PITPNM3: variants seen among roughly 807,000 people sequenced by gnomAD.
PITPNM3 encodes membrane-associated phosphatidylinositol transfer protein 3.
In PITPNM3, 26 loss-of-function variants were observed where a neutral mutation model predicts 102.0. That is an observed-to-expected ratio of 0.25 (90% CI 0.19 to 0.35). The LOEUF (loss-of-function observed/expected upper bound fraction) is 0.35, where lower values mean the gene tolerates loss of function less well. Ranked by LOEUF, PITPNM3 falls within the 10% of genes least tolerant of loss-of-function variation. The probability of loss-of-function intolerance (pLI) is 1.00; values close to 1 mark genes in which losing one functional copy is unlikely to be tolerated. For missense variants in PITPNM3, 1,083 were observed against 1,346.1 expected (o/e 0.80, Z 3.06); for synonymous variants, 578 against 558.6 (o/e 1.03, Z -0.49).
At chr17:6,463,169 AC>A (rs1904557198) in intron 17 of PITPNM3, among the ~76,000 whole-genome samples, 2 of 151,860 alleles carry the variant, frequency 1.3e-5, no homozygotes, top group Admixed American at 1.3e-4. Flanking sequence ...TCTCCCCAAA[AC>A]CGTCACTGTT....
At position 6,459,459 on chromosome 17, in the gene PITPNM3, T is replaced by G. The variant is rs1904349483; in HGVS notation, c.2491-1737A>C. Among the ~76,000 whole-genome samples, 1 of 151,844 alleles carries G rather than the reference T, an allele frequency of 6.6e-6. No individual in the cohort carries two copies. Among genetic ancestry groups the G allele is most frequent in the Non-Finnish European group, 1.5e-5 (1 of 67,974 alleles). ...GCCTCTTCTAACGCCTCATCTCCCG[T>G]CTCATGGCTCCACTGATCCGTCTCA... On this transcript the variant is annotated intron_variant, in intron 18 of 19. Coordinates refer to ENST00000262483, the MANE Select transcript of PITPNM3 (RefSeq NM_031220.4). This position sits in a 1 kb window ranked among gnomAD's most constrained non-coding sequence, Gnocchi z 5.0.
In PITPNM3 at chr17:6,464,607, C is replaced by T. The variant is rs749112401; in HGVS notation, c.2007+48G>A. The T allele has an allele frequency of 3.2e-6, 5 of 1,552,676 alleles. No individual in the cohort carries two copies. In the East Asian group the frequency reaches 9.0e-5, roughly 28 times the overall value. On this transcript the variant is annotated intron_variant, in intron 15 of 19. Transcript: ENST00000262483. The stretch of plus-strand genomic sequence containing the variant: ...ACACGCTATGTGGCTCCATGAGGCA[C>T]CTGGTGCAGGTGGAGTGGCTGAGGA...
At chr17:6,461,855 G>GCCTC (rs1904477099) in intron 17 of PITPNM3, among the ~76,000 whole-genome samples, 1 of 113,874 alleles carries the variant, frequency 8.8e-6, no homozygotes, top group African/African-American at 4.1e-5. Flanking sequence ...TGTTCCCTGT[G>GCCTC]CCTCCCTCCC....
At chr17:6,497,286 G>C (rs923978021) in intron 4 of PITPNM3, among the ~76,000 whole-genome samples, 1 of 152,156 alleles carries the variant, frequency 6.6e-6, no homozygotes, top group African/African-American at 2.4e-5. Context: ...TCGGTGGCTG[G>C]TCAGGGCATT....
At chr17:6,506,225 G>A (rs187655639) in intron 3 of PITPNM3, among the ~76,000 whole-genome samples, 1 of 151,972 alleles carries the variant, frequency 6.6e-6, no homozygotes, top group East Asian at 1.9e-4. Flanking sequence ...GGAAATGCCG[G>A]GTCCCTTGTT....
Position 6,455,421 on chromosome 17 carries a change from G to A in PITPNM3, c.2842C>T (p.Pro948Ser). The A allele has an allele frequency of 6.2e-7, 1 of 1,602,316 alleles. No homozygotes were observed. Among genetic ancestry groups the A allele is most frequent in the Non-Finnish European group, 8.5e-7 (1 of 1,177,478 alleles). ...CGCTCGTGGTCTTTGTCCGACTCGGGCTGGCTCTGGGCCCGCTCGGGCTTG... is the reference window on the plus strand; with the variant it reads ...CGCTCGTGGTCTTTGTCCGACTCGGACTGGCTCTGGGCCCGCTCGGGCTTG... Reference protein sequence around the residue: ...NPKPERAQSQPESDKDHERPL... With the variant: ...NPKPERAQSQSESDKDHERPL... Residue 948 changes from proline (P) to serine (S), a missense_variant, in exon 20 of 20, where the codon CCC becomes TCC. Transcript: ENST00000262483.
intron 3 of PITPNM3, among the ~76,000 whole-genome samples, chr17:6,512,090 C>G (rs1413642936): frequency 6.6e-6 from 1 of 152,228 alleles, no homozygotes; most frequent in African/African-American, 2.4e-5. Context: ...GGTCCTCCCC[C>G]AACCCCTGCT....
intron 1 of PITPNM3, among the ~76,000 whole-genome samples, chr17:6,551,421 C>T (rs79337560): frequency 7.2e-4 from 109 of 152,136 alleles, no homozygotes; most frequent in Middle Eastern, 3.4e-3. Context: ...CCATATTTGA[C>T]CATAACCTTC....
intron 3 of PITPNM3, among the ~76,000 whole-genome samples, chr17:6,513,070 CA>C (rs111265571): frequency 0.071 from 9,136 of 129,574 alleles, 537 homozygotes; most frequent in East Asian, 0.18. Context: ...TACATGTCTG[CA>C]AAAAAAAAAA....
At chr17:6,473,452 G>T (rs868504210) in intron 10 of PITPNM3, among the ~76,000 whole-genome samples, 7 of 152,200 alleles carry the variant, frequency 4.6e-5, no homozygotes, top group Middle Eastern at 3.2e-3. Context: ...CAGCCATGGG[G>T]TTCTGCCTCC....
chr17:6,498,538 G>A (rs1906978462), intron 4 of PITPNM3, among the ~76,000 whole-genome samples: 1 of 152,224 alleles, frequency 6.6e-6, no homozygotes, highest in Non-Finnish European at 1.5e-5. Context: ...TGGGAAGCAG[G>A]AAGGCAGGGA....
Position 6,468,086 on chromosome 17 carries a change from G to T in PITPNM3, c.1890+139C>A, listed in dbSNP as rs1034796768. 1 of 831,816 alleles carries T rather than the reference G, an allele frequency of 1.2e-6. No homozygotes were observed. Among genetic ancestry groups the T allele is most frequent in the Non-Finnish European group, 2.0e-6 (1 of 498,416 alleles). The allele number at this position is 831,816 out of a possible 1,614,324, so 51.5% of individuals were successfully genotyped here. ...CAGTGCCTGGGCTCCATCTGAGTGT[G>T]AGCCCCAGCCTGTTTGGGTGCTGAG... On this transcript the variant is annotated intron_variant, in intron 14 of 19. Coordinates refer to ENST00000262483, the MANE Select transcript of PITPNM3 (RefSeq NM_031220.4). The surrounding 1 kb of genome is among the most constrained non-coding windows in gnomAD (Gnocchi z 5.2).
chr17:6,556,339 T>A lies in PITPNM3; in HGVS notation c.22+46A>T, dbSNP rs1356063108. ...GCGGCCCCTCCTCTAGACGCGCGAG[T>A]CCCTCCCCCGGGCCCCGGCCCTGCC... On this transcript the variant is annotated intron_variant, in intron 1 of 19. Transcript: ENST00000262483. The surrounding 1 kb of genome is among the most constrained non-coding windows in gnomAD (Gnocchi z 5.2). 1 of 1,387,770 alleles carries A rather than the reference T, an allele frequency of 7.2e-7. No individual in the cohort carries two copies. Among genetic ancestry groups the A allele is most frequent in the South Asian group, 1.5e-5 (1 of 68,126 alleles). The allele number at this position is 1,387,770 out of a possible 1,614,324, so 86.0% of individuals were successfully genotyped here.
chr17:6,452,935 G>A lies in PITPNM3; in HGVS notation c.*2403C>T, dbSNP rs891222434. ...GACTTCAAATTCCCCAGGGATCCTG[G>A]CTCATGAGCTCTCTCTCTCTCTTCC... is the stretch of plus-strand genomic sequence containing the variant. On this transcript the variant is annotated 3_prime_UTR_variant, in exon 20 of 20. Coordinates refer to ENST00000262483, the MANE Select transcript of PITPNM3 (RefSeq NM_031220.4). 1.5e-4 allele frequency: 23 copies of A among 150,792 alleles called. No individual in the cohort carries two copies. The highest frequency in any genetic ancestry group is 4.9e-4 in the African/African-American group (20 of 40,782). 9.3% of individuals were successfully genotyped at this position (150,792 alleles called of 1,614,324 possible).
At chr17:6,493,764 T>A (rs1014644917) in intron 4 of PITPNM3, among the ~76,000 whole-genome samples, 4 of 152,230 alleles carry the variant, frequency 2.6e-5, no homozygotes, top group Non-Finnish European at 5.9e-5. Context: ...ACAGAGACAC[T>A]ACCCCAGACC....
rs201959934 is a variant in PITPNM3 at position 6,537,256 on chromosome 17, CTTTT to C, written c.118+727_118+730del. 2.3e-5 allele frequency among the ~76,000 whole-genome samples: 3 copies of C among 128,280 alleles called. No homozygotes were observed. The highest frequency in any genetic ancestry group is 4.8e-5 in the Non-Finnish European group (3 of 62,318). The allele number at this position is 128,280 out of a possible 152,430, so 84.2% of individuals were successfully genotyped here. On this transcript the variant is annotated intron_variant, in intron 2 of 19. Transcript: ENST00000262483. The surrounding 1 kb of genome is among the most constrained non-coding windows in gnomAD (Gnocchi z 4.4). ...TATGAGGCTCATTTATTTTTTCTTTCTTTTTTTTTTTTTTTTTTCTGAGACAGAG... is the reference window on the plus strand; with the variant it reads ...TATGAGGCTCATTTATTTTTTCTTTCTTTTTTTTTTTTTTCTGAGACAGAG...
chr17:6,455,469 G>C lies in PITPNM3; in HGVS notation c.2794C>G (p.Pro932Ala). Residue 932 changes from proline (P) to alanine (A), a missense_variant, in exon 20 of 20, where the codon CCC (proline) becomes GCC (alanine). Pro to Ala is a conservative substitution (Grantham distance 27, BLOSUM62 -1). Coordinates refer to ENST00000262483, the MANE Select transcript of PITPNM3 (RefSeq NM_031220.4). Reference protein sequence around the residue: ...HLRRTMSVQQPDPPAANPKPE... With the variant: ...HLRRTMSVQQADPPAANPKPE... ...TTGGGGTTGGCGGCGGGCGGGTCGG[G>C]CTGCTGCACTGACATGGTTCTGCGC... is the stretch of plus-strand genomic sequence containing the variant. The C allele has an allele frequency of 6.2e-7, 1 of 1,604,898 alleles. No homozygotes were observed. The highest frequency in any genetic ancestry group is 8.5e-7 in the Non-Finnish European group (1 of 1,179,390).
In PITPNM3 at chr17:6,454,718, T is replaced by C. The variant is rs556463790; in HGVS notation, c.*620A>G. ...TGAGGACAACGGGGGTTGGGGACAA[T>C]GGACAGCTGCAGGACAGACCGTCAG... On this transcript the variant is annotated 3_prime_UTR_variant, in exon 20 of 20. Transcript: ENST00000262483. The C allele has an allele frequency of 1.3e-5, 2 of 151,260 alleles. No individual in the cohort carries two copies. Among genetic ancestry groups the C allele is most frequent in the African/African-American group, 4.9e-5 (2 of 40,878 alleles). The allele number at this position is 151,260 out of a possible 1,614,324, so 9.4% of individuals were successfully genotyped here. A position where few individuals can be genotyped will look rare whatever the true frequency, so the allele number is the denominator to read the frequency against.
At chr17:6,542,928 G>A (rs1007029144) in intron 1 of PITPNM3, among the ~76,000 whole-genome samples, 1 of 152,132 alleles carries the variant, frequency 6.6e-6, no homozygotes, top group Non-Finnish European at 1.5e-5. Flanking sequence ...GTCTTGCCAT[G>A]TTGCCCAGGC....
Sources: gnomAD v4.1 joint callset for allele counts (sites outside exome capture counted in the v4.1 genomes callset) on GRCh38, gnomAD v4.1.1 for gene constraint, Gnocchi (gnomAD v3.1) non-coding constraint, MANE v1.5 for transcripts, NCBI Gene and HGNC (gene_info 2026-07-23, HGNC 2026-07-21) for gene names.